The following SLC12A6 variants were observed in gnomAD, a reference collection of about 807,000 sequenced individuals.
SLC12A6 encodes solute carrier family 12 member 6.
In SLC12A6, 66 loss-of-function variants were observed where a neutral mutation model predicts 135.3. The observed-to-expected ratio is 0.49, with a 90% CI of 0.40 to 0.60. SLC12A6 has a LOEUF of 0.60. SLC12A6 is among the 20% of genes least tolerant of loss of function. The pLI is 0.00. For missense variants in SLC12A6, 1,058 were observed against 1,452.3 expected (o/e 0.73, Z 4.41); for synonymous variants, 513 against 508.8 (o/e 1.01, Z -0.11).
intron 2 of SLC12A6, among the ~76,000 whole-genome samples, chr15:34,326,936 T>G (rs1889508580): frequency 7.0e-6 from 1 of 142,250 alleles, no homozygotes; most frequent in Non-Finnish European, 1.5e-5. Context: ...TATGTCTTAA[T>G]AAATGTTTCA....
At chr15:34,277,103 A>G (rs1894347112) in intron 2 of SLC12A6, among the ~76,000 whole-genome samples, 1 of 152,180 alleles carries the variant, frequency 6.6e-6, no homozygotes, top group Admixed American at 6.5e-5. Context: ...GTGAATTCCC[A>G]GTTTTTACTT....
intron 2 of SLC12A6, among the ~76,000 whole-genome samples, chr15:34,335,518 G>A (rs1359140743): frequency 2.0e-5 from 3 of 152,152 alleles, no homozygotes; most frequent in Non-Finnish European, 4.4e-5. Context: ...GATTACATTA[G>A]TTACAACACA....
chr15:34,279,224 G>A (rs938173831), intron 2 of SLC12A6, among the ~76,000 whole-genome samples: 1 of 152,012 alleles, frequency 6.6e-6, no homozygotes, highest in Non-Finnish European at 1.5e-5. Context: ...CTGAGGCAGA[G>A]AATTGCTTGA....
chr15:34,246,510 T>C (rs1892001161), intron 13 of SLC12A6, among the ~76,000 whole-genome samples: 1 of 152,316 alleles, frequency 6.6e-6, no homozygotes, highest in Non-Finnish European at 1.5e-5. Flanking sequence ...TGAATAAAAA[T>C]TTGTAGTGAT....
At chr15:34,292,594 C>T (rs1458700444) in intron 2 of SLC12A6, among the ~76,000 whole-genome samples, 1 of 152,214 alleles carries the variant, frequency 6.6e-6, no homozygotes, top group Non-Finnish European at 1.5e-5. Flanking sequence ...GCCCTGCCCC[C>T]AGAGGTGGAA....
At chr15:34,311,857 T>TTTTG (rs141905450) in intron 2 of SLC12A6, among the ~76,000 whole-genome samples, 5,954 of 152,268 alleles carry the variant, frequency 0.039, 215 homozygotes, top group African/African-American at 0.098. Context: ...GTATTGTTCT[T>TTTTG]TTTATCATTG....
At chr15:34,240,927 T>G in intron 18 of SLC12A6, 98 bp from the exon 19 acceptor site, 2 of 934,400 alleles carry the variant, frequency 2.1e-6, no homozygotes, top group East Asian at 5.2e-5. Context: ...GAGATCTGTA[T>G]GAAACAGGTA....
Position 34,254,484 on chromosome 15 carries a change from G to T in SLC12A6, c.982C>A (p.Leu328Ile). 6.2e-7 allele frequency: 1 copy of T among 1,613,872 alleles called. No homozygotes were observed. Among genetic ancestry groups the T allele is most frequent in the Non-Finnish European group, 8.5e-7 (1 of 1,179,784 alleles). Residue 328 changes from leucine (L) to isoleucine (I), a missense_variant, in exon 9 of 26, where the codon CTT becomes ATT. Transcript: ENST00000354181. ...CCGATAAATACCACTAATACCATAA[G>T]GACCAAGAAAGCTGTGCCGTAGACA... ...MRVYGTAFLV[L>I]MVLVVFIGVR...
At chr15:34,292,921 C>T (rs190355347) in intron 2 of SLC12A6, among the ~76,000 whole-genome samples, 7 of 152,306 alleles carry the variant, frequency 4.6e-5, no homozygotes, top group Admixed American at 6.5e-5. Flanking sequence ...CAGTCACTCA[C>T]GGCTTCCCTT....
At chr15:34,269,547 G>A (rs1342860257) in intron 3 of SLC12A6, among the ~76,000 whole-genome samples, 2 of 152,288 alleles carry the variant, frequency 1.3e-5, no homozygotes, top group Admixed American at 6.5e-5. Context: ...ACAGGTTTGG[G>A]TTTGTACTAT....
chr15:34,336,843 C>G, intron 1 of SLC12A6, 91 bp from the exon 2 acceptor site: 2 of 668,700 alleles, frequency 3.0e-6, no homozygotes, highest in East Asian at 2.7e-5. Flanking sequence ...TACTTCTACT[C>G]AGAATTCAAG....
Position 34,240,780 on chromosome 15 carries a change from G to A in SLC12A6, c.2317C>T (p.His773Tyr). 1 of 1,614,038 alleles carries A rather than the reference G, an allele frequency of 6.2e-7. No individual in the cohort carries two copies. The highest frequency in any genetic ancestry group is 8.5e-7 in the Non-Finnish European group (1 of 1,179,896). ...GAGGCAAAGGTGAGGAGGCGAGGATGCTTGACATGTAAGTCTTCATCTAGT... is the reference window on the plus strand; with the variant it reads ...GAGGCAAAGGTGAGGAGGCGAGGATACTTGACATGTAAGTCTTCATCTAGT... ...LKLDEDLHVKHPRLLTFASQL... is the reference protein window; with the variant it reads ...LKLDEDLHVKYPRLLTFASQL... Residue 773 changes from histidine to tyrosine, a missense_variant, in exon 19 of 26, where the codon CAT (histidine) becomes TAT (tyrosine). His to Tyr is a moderately conservative substitution (Grantham distance 83). Coordinates refer to ENST00000354181, the MANE Select transcript of SLC12A6 (RefSeq NM_001365088.1).
chr15:34,240,542 T>G lies in SLC12A6; in HGVS notation c.2436+119A>C, dbSNP rs1006825429. On this transcript the variant is annotated intron_variant, in intron 19 of 25. Transcript: ENST00000354181. ...AAAGTGTCCTTTCAAAGGTCAGCAC[T>G]AAGTGAGAAACCTCCTAGATCACTC... 17 of 881,508 alleles carry G rather than the reference T, an allele frequency of 1.9e-5. No homozygotes were observed. In the African/African-American group the frequency reaches 2.8e-4, roughly 15 times the overall value. The allele number at this position is 881,508 out of a possible 1,614,324, so 54.6% of individuals were successfully genotyped here. A position where few individuals can be genotyped will look rare whatever the true frequency, so the allele number is the denominator to read the frequency against.
intron 13 of SLC12A6, among the ~76,000 whole-genome samples, chr15:34,247,421 G>T (rs893356505): frequency 2.6e-5 from 4 of 152,040 alleles, no homozygotes; most frequent in Admixed American, 6.6e-5. Context: ...GGAGGCTGAG[G>T]CAGGAGAATG....
chr15:34,256,726 C>T (rs988659978), intron 6 of SLC12A6, among the ~76,000 whole-genome samples: 5 of 152,164 alleles, frequency 3.3e-5, no homozygotes, highest in African/African-American at 9.7e-5. Context: ...AAATATTACC[C>T]GGTAGCACAG....
At chr15:34,298,864 T>C (rs529641967) in intron 2 of SLC12A6, among the ~76,000 whole-genome samples, 1 of 152,294 alleles carries the variant, frequency 6.6e-6, no homozygotes, top group East Asian at 1.9e-4. Flanking sequence ...CTTTTCAGCT[T>C]AGACCAATTG....
intron 3 of SLC12A6, among the ~76,000 whole-genome samples, chr15:34,264,391 A>C (rs921269427): frequency 2.0e-5 from 3 of 148,618 alleles, no homozygotes; most frequent in Non-Finnish European, 4.6e-5. Flanking sequence ...CTCGAAATCT[A>C]ACTATCAGTT....
Position 34,238,393 on chromosome 15 carries a change from G to T in SLC12A6, c.2641C>A (p.Arg881=), listed in dbSNP as rs1891418018. ...GCAAGATGGGCAGCAGTTGTCACTC[G>T]AACTGTGCCTAGGGAGAAAAAAGAA... ...RAWKTFIGTV[R]VTTAAHLALL... The change falls in exon 21 of 26, where the codon CGA becomes AGA. Residue 881 remains arginine (R), a synonymous_variant. Coordinates refer to ENST00000354181, the MANE Select transcript of SLC12A6 (RefSeq NM_001365088.1). 3 of 1,612,490 alleles carry T rather than the reference G, an allele frequency of 1.9e-6. No individual in the cohort carries two copies. The highest frequency in any genetic ancestry group is 2.5e-6 in the Non-Finnish European group (3 of 1,178,578).
At position 34,251,053 on chromosome 15, in the gene SLC12A6, A is replaced by T; in HGVS notation, c.1338T>A (p.Asn446Lys). Residue 446 changes from asparagine to lysine, a missense_variant, in exon 11 of 26, where the codon AAT (asparagine) becomes AAA (lysine). Transcript: ENST00000354181. ...PGLASGIITENLWSNYLPKGE... is the reference protein window; with the variant it reads ...PGLASGIITEKLWSNYLPKGE... ...CCTTGGGTAGGTAATTACTCCAAAG[A>T]TTCTCTGCAGTGGGAAAAATGGGAA... The T allele has an allele frequency of 6.2e-7, 1 of 1,604,144 alleles. No individual in the cohort carries two copies. Among genetic ancestry groups the T allele is most frequent in the Non-Finnish European group, 8.5e-7 (1 of 1,171,142 alleles).
Sources: allele counts gnomAD v4.1 joint callset (sites outside exome capture counted in the v4.1 genomes callset), GRCh38; gene constraint gnomAD v4.1.1; transcripts MANE v1.5; gene names NCBI Gene and HGNC (gene_info 2026-07-23, HGNC 2026-07-21).